Variants in CDYL observed in about 807,000 individuals in gnomAD.
CDYL encodes the protein chromodomain Y like.
A neutral mutation model predicts 47.3 loss-of-function variants in CDYL; 8 were observed. The ratio of observed to expected loss-of-function variants is 0.17; its 90% CI spans 0.10 to 0.31. The LOEUF is 0.31. Ranked by LOEUF, CDYL falls within the 10% of genes least tolerant of loss-of-function variation. The pLI is 1.00. For missense variants in CDYL, 471 were observed against 701.4 expected (o/e 0.67, Z 3.71); for synonymous variants, 266 against 265.0 (o/e 1.00, Z -0.04).
At chr6:4,903,594 C>T (rs1222107264) in intron 2 of CDYL, among the ~76,000 whole-genome samples, 1 of 152,130 alleles carries the variant, frequency 6.6e-6, no homozygotes, top group African/African-American at 2.4e-5. Context: ...GCTTGGGTGC[C>T]GGAGGGAGGA....
intron 1 of CDYL, among the ~76,000 whole-genome samples, chr6:4,795,971 C>G (rs1759061064): frequency 6.6e-6 from 1 of 151,414 alleles, no homozygotes; most frequent in South Asian, 2.1e-4. Context: ...ACTTTTTTTC[C>G]TGAGACAGAG....
chr6:4,942,931 A>G (rs1175303898), intron 4 of CDYL, among the ~76,000 whole-genome samples: 3 of 152,168 alleles, frequency 2.0e-5, no homozygotes, highest in African/African-American at 7.2e-5. Context: ...GCATGTCTTG[A>G]GCCAGCCTGT....
intron 1 of CDYL, among the ~76,000 whole-genome samples, chr6:4,843,231 C>A (rs564156367): frequency 6.6e-6 from 1 of 152,188 alleles, no homozygotes; most frequent in Non-Finnish European, 1.5e-5. Flanking sequence ...GGTGCTTTTG[C>A]CTCACAGCTC....
intron 1 of CDYL, among the ~76,000 whole-genome samples, chr6:4,862,049 C>A (rs1003852678): frequency 1.3e-5 from 2 of 152,140 alleles, no homozygotes; most frequent in African/African-American, 4.8e-5. Context: ...CCCCAGAAAC[C>A]AGAAACAAAA....
At chr6:4,897,176 C>T (rs769744116) in intron 2 of CDYL, among the ~76,000 whole-genome samples, 1 of 152,224 alleles carries the variant, frequency 6.6e-6, no homozygotes, top group South Asian at 2.1e-4. Flanking sequence ...TTTGTCCTTT[C>T]ATGGATTCAA....
chr6:4,757,772 C>G (rs558361391), intron 3 of CDYL, among the ~76,000 whole-genome samples: 17 of 152,268 alleles, frequency 1.1e-4, no homozygotes, highest in African/African-American at 3.6e-4. Context: ...TGTGGTAGTT[C>G]ATGCCTGTAA....
chr6:4,919,756 T>G (rs144935180), intron 2 of CDYL, among the ~76,000 whole-genome samples: 100 of 152,350 alleles, frequency 6.6e-4, no homozygotes, highest in African/African-American at 2.1e-3. Context: ...CCAATAGTTT[T>G]ATTATAATTA....
intron 2 of CDYL, among the ~76,000 whole-genome samples, chr6:4,893,440 C>G (rs1762108021): frequency 6.6e-6 from 1 of 152,226 alleles, no homozygotes; most frequent in Non-Finnish European, 1.5e-5. Flanking sequence ...TGCCTGTAGT[C>G]TCAACACTTT....
At chr6:4,835,528 G>T (rs554196533) in intron 1 of CDYL, among the ~76,000 whole-genome samples, 174 of 152,342 alleles carry the variant, frequency 1.1e-3, no homozygotes, top group African/African-American at 3.9e-3. Flanking sequence ...AGGGGTCAGG[G>T]ACCCACTTGA....
At chr6:4,834,140 C>G (rs1468790001) in intron 1 of CDYL, among the ~76,000 whole-genome samples, 2 of 151,850 alleles carry the variant, frequency 1.3e-5, no homozygotes, top group Admixed American at 6.6e-5. Flanking sequence ...TTATTTTGCT[C>G]ATTAGTTGAT....
At chr6:4,761,931 A>T (rs1281559211) in intron 3 of CDYL, among the ~76,000 whole-genome samples, 1 of 152,226 alleles carries the variant, frequency 6.6e-6, no homozygotes, top group South Asian at 2.1e-4. Flanking sequence ...GATTCAAAGC[A>T]GTAGAGAACT....
chr6:4,953,818 C>A, intron 6 of CDYL, 80 bp from the exon 7 acceptor site: 2 of 1,325,920 alleles, frequency 1.5e-6, no homozygotes, highest in Non-Finnish European at 2.1e-6. Context: ...TTGATGATTG[C>A]CTCCGTAAAT....
chr6:4,933,280 T>A lies in CDYL; in HGVS notation c.692-2235T>A, dbSNP rs1256959237. Reference sequence around the variant, plus strand: ...TGACTTCCCTCCCCTGATCTAGATGTGCACTTTGGGCTATGCACATCTCCA... The same window carrying A: ...TGACTTCCCTCCCCTGATCTAGATGAGCACTTTGGGCTATGCACATCTCCA... On this transcript the variant is annotated intron_variant, in intron 2 of 6. Transcript: ENST00000397588. Among the ~76,000 whole-genome samples, 4 of 152,226 alleles carry A rather than the reference T, an allele frequency of 2.6e-5. No individual in the cohort carries two copies. The East Asian group carries it at 7.7e-4, about 29-fold the overall frequency.
intron 3 of CDYL, among the ~76,000 whole-genome samples, chr6:4,759,932 GAAAGAAAAGAAAAGA>G (rs138182511): frequency 0.11 from 6,912 of 61,502 alleles, 551 homozygotes; most frequent in Middle Eastern, 0.21. Flanking sequence ...AAAAGAAGAA[GAAAGAAAAGAAAAGA>G]AAGAAAGAAA....
intron 2 of CDYL, among the ~76,000 whole-genome samples, chr6:4,912,937 C>T (rs2127501366): frequency 6.6e-6 from 1 of 152,326 alleles, no homozygotes; most frequent in African/African-American, 2.4e-5. Flanking sequence ...CTGGGGGTTA[C>T]ATTTCAGGAT....
chr6:4,856,557 G>T (rs1429168107), intron 1 of CDYL, among the ~76,000 whole-genome samples: 1 of 152,194 alleles, frequency 6.6e-6, no homozygotes, highest in Non-Finnish European at 1.5e-5. Flanking sequence ...GGGAACAGCT[G>T]TGAGGACGCT....
At chr6:4,717,429 G>A (rs930561345) in intron 2 of CDYL, among the ~76,000 whole-genome samples, 2 of 152,040 alleles carry the variant, frequency 1.3e-5, no homozygotes, top group Non-Finnish European at 2.9e-5. Flanking sequence ...ACAAAAGAGG[G>A]TCAGGCACGG....
chr6:4,759,881 A>G (rs1758144566), intron 3 of CDYL, among the ~76,000 whole-genome samples: 1 of 51,556 alleles, frequency 1.9e-5, no homozygotes, highest in Non-Finnish European at 3.1e-5. Context: ...CTCCATCTCA[A>G]AAAAAAAAAA....
At chr6:4,749,337 A>ATGGATGGATGGC (rs1757950619) in intron 3 of CDYL, among the ~76,000 whole-genome samples, 1 of 128,238 alleles carries the variant, frequency 7.8e-6, no homozygotes, top group African/African-American at 2.5e-5. Flanking sequence ...GGATGGATGG[A>ATGGATGGATGGC]TGGCTGGATA....
Sources: allele counts gnomAD v4.1 joint callset (sites outside exome capture counted in the v4.1 genomes callset), GRCh38; gene constraint gnomAD v4.1.1; transcripts MANE v1.5; gene names NCBI Gene and HGNC (gene_info 2026-07-23, HGNC 2026-07-21).